SLC25A26: variants seen among roughly 807,000 people sequenced by gnomAD.
SLC25A26 encodes the protein solute carrier family 25 member 26.
Under a neutral mutation model 37.8 loss-of-function variants are expected in SLC25A26, and 36 were observed. That is an observed-to-expected ratio of 0.95 (90% CI 0.73 to 1.26). SLC25A26 has a LOEUF of 1.26. Ranked by LOEUF, SLC25A26 falls within the 50% of genes most tolerant of loss-of-function variation. The probability of loss-of-function intolerance (pLI) is 0.00; values close to 1 mark genes in which losing one functional copy is unlikely to be tolerated. For synonymous variants in SLC25A26, 129 were observed against 122.5 expected (o/e 1.05, Z -0.35); for missense variants, 390 against 331.1 (o/e 1.18, Z -1.38).
Position 66,306,650 on chromosome 3 carries a change from A to G in SLC25A26, c.454-39714A>G, listed in dbSNP as rs182540222. ...TTAGGTATTTCTCCTAATGCTATCC[A>G]TCCCCTTGCCCCCAGCCCCCAACAG... On this transcript the variant is annotated intron_variant, in intron 5 of 9. Coordinates refer to ENST00000354883, the MANE Select transcript of SLC25A26 (RefSeq NM_001379210.1). Among the ~76,000 whole-genome samples, 762 of 152,096 alleles carry G rather than the reference A, an allele frequency of 5.0e-3. 10 individuals carry two copies. Among genetic ancestry groups the G allele is most frequent in the African/African-American group, 0.014 (564 of 41,510 alleles).
At chr3:66,188,642 G>A (rs888363028) in intron 1 of SLC25A26, among the ~76,000 whole-genome samples, 1,640 of 152,174 alleles carry the variant, frequency 0.011, 31 homozygotes, top group African/African-American at 0.037. Context: ...CATGTTTTTT[G>A]TATAGTCTGC....
intron 6 of SLC25A26, among the ~76,000 whole-genome samples, chr3:66,360,153 A>G (rs1354063919): frequency 1.3e-5 from 2 of 152,200 alleles, no homozygotes; most frequent in Non-Finnish European, 2.9e-5. Flanking sequence ...GACCCTCACA[A>G]CCTTCCAGAG....
chr3:66,192,440 G>A (rs2070964350), intron 1 of SLC25A26, among the ~76,000 whole-genome samples: 1 of 152,086 alleles, frequency 6.6e-6, no homozygotes, highest in African/African-American at 2.4e-5. Context: ...TCCAGATACG[G>A]GATCTGCTGG....
At chr3:66,303,103 A>G (rs193112172) in intron 5 of SLC25A26, among the ~76,000 whole-genome samples, 7 of 152,194 alleles carry the variant, frequency 4.6e-5, no homozygotes, top group African/African-American at 1.7e-4. Flanking sequence ...TGCAGAAGAC[A>G]TTATAATATA....
chr3:66,148,191 CT>C (rs1313562345), intron 1 of SLC25A26, among the ~76,000 whole-genome samples: 3 of 152,228 alleles, frequency 2.0e-5, no homozygotes, highest in African/African-American at 7.2e-5. Context: ...TGTATATCTT[CT>C]TTTGAGAAAT....
chr3:66,357,124 C>G (rs2076594469), intron 6 of SLC25A26, among the ~76,000 whole-genome samples: 1 of 152,082 alleles, frequency 6.6e-6, no homozygotes, highest in East Asian at 1.9e-4. Flanking sequence ...ATTAATGTAA[C>G]CATAGATTCA....
In SLC25A26 at chr3:66,221,057, C is replaced by T. The variant is rs782612818; in HGVS notation, c.-38C>T. 2 of 1,535,928 alleles carry T rather than the reference C, an allele frequency of 1.3e-6. No homozygotes were observed. The highest frequency in any genetic ancestry group is 2.4e-5 in the South Asian group (2 of 84,040). On this transcript the variant is annotated 5_prime_UTR_variant, in exon 1 of 10. Coordinates refer to ENST00000354883, the MANE Select transcript of SLC25A26 (RefSeq NM_001379210.1). ...CGCGAGGACGTGATCCGCTTCTGCT[C>T]CGGCTTGGATTGTAGCCTTGACGAG...
At chr3:66,135,496 A>C (rs1186384974) in intron 1 of SLC25A26, among the ~76,000 whole-genome samples, 1 of 152,220 alleles carries the variant, frequency 6.6e-6, no homozygotes, top group Non-Finnish European at 1.5e-5. Context: ...GGCTGGGTAC[A>C]GTGGCTCATG....
intron 1 of SLC25A26, among the ~76,000 whole-genome samples, chr3:66,227,283 C>G (rs1020940181): frequency 2.6e-5 from 4 of 152,182 alleles, no homozygotes; most frequent in Non-Finnish European, 5.9e-5. Flanking sequence ...CCATGGCCAG[C>G]TGTTTGTTCT....
intron 6 of SLC25A26, among the ~76,000 whole-genome samples, chr3:66,350,764 C>T (rs1368491695): frequency 1.3e-5 from 2 of 152,138 alleles, no homozygotes; most frequent in Non-Finnish European, 2.9e-5. Flanking sequence ...TTCTTCCCCT[C>T]CAGCCAGAAT....
At chr3:66,170,654 A>T (rs2070481885) in intron 1 of SLC25A26, among the ~76,000 whole-genome samples, 1 of 152,166 alleles carries the variant, frequency 6.6e-6, no homozygotes, top group South Asian at 2.1e-4. Context: ...AACTAAAGAC[A>T]CACACCTGTT....
chr3:66,256,445 A>G (rs2073305490), intron 3 of SLC25A26, among the ~76,000 whole-genome samples: 1 of 152,086 alleles, frequency 6.6e-6, no homozygotes, highest in African/African-American at 2.4e-5. Context: ...TTCCTTTGAA[A>G]TTATGTTAAA....
At chr3:66,364,763 G>A (rs1349293315) in intron 7 of SLC25A26, among the ~76,000 whole-genome samples, 1 of 152,202 alleles carries the variant, frequency 6.6e-6, no homozygotes, top group South Asian at 2.1e-4. Flanking sequence ...TTGAGTGAAG[G>A]AATGTCATAT....
intron 5 of SLC25A26, among the ~76,000 whole-genome samples, chr3:66,301,812 G>A (rs951270275): frequency 6.6e-6 from 1 of 152,164 alleles, no homozygotes; most frequent in African/African-American, 2.4e-5. Flanking sequence ...GAAACATGGA[G>A]TCTGAAGGTA....
intron 1 of SLC25A26, among the ~76,000 whole-genome samples, chr3:66,196,902 A>G (rs2071051828): frequency 6.6e-6 from 1 of 152,178 alleles, no homozygotes; most frequent in Admixed American, 6.5e-5. Context: ...TATATTAATT[A>G]AAAGTTTTGA....
intron 5 of SLC25A26, 53 bp downstream of exon 5, chr3:66,263,432 CA>C: frequency 8.6e-7 from 1 of 1,164,532 alleles, no homozygotes; most frequent in Non-Finnish European, 1.3e-6. Flanking sequence ...GTCCTTTGTT[CA>C]GTAAATTTAT....
At chr3:66,238,836 G>A (rs545512575) in intron 2 of SLC25A26, among the ~76,000 whole-genome samples, 73 of 152,202 alleles carry the variant, frequency 4.8e-4, no homozygotes, top group Non-Finnish European at 8.1e-4. Context: ...TTGGTGTCTC[G>A]GGTGGCAGAG....
chr3:66,206,780 A>G (rs1220066785), intron 1 of SLC25A26, among the ~76,000 whole-genome samples: 4 of 148,586 alleles, frequency 2.7e-5, no homozygotes, highest in East Asian at 4.0e-4. Flanking sequence ...TCCAGTAGTC[A>G]TTGTAACCTC....
At chr3:66,353,830 G>C (rs938373959) in intron 6 of SLC25A26, among the ~76,000 whole-genome samples, 1 of 152,166 alleles carries the variant, frequency 6.6e-6, no homozygotes, top group South Asian at 2.1e-4. Flanking sequence ...AATTTTCCAC[G>C]TGCTTGTGTT....
Sources: allele counts gnomAD v4.1 joint callset (sites outside exome capture counted in the v4.1 genomes callset), GRCh38; gene constraint gnomAD v4.1.1; transcripts MANE v1.5; gene names NCBI Gene and HGNC (gene_info 2026-07-23, HGNC 2026-07-21).